STK3: variants seen among roughly 807,000 people sequenced by gnomAD.
The protein encoded by STK3 is serine/threonine kinase 3.
In STK3, 41 loss-of-function variants were observed where a neutral mutation model predicts 58.0. The ratio of observed to expected loss-of-function variants is 0.71; its 90% CI spans 0.55 to 0.92. The LOEUF (loss-of-function observed/expected upper bound fraction) is 0.92. Among genes scored for constraint, STK3 ranks in the 40% least tolerant of loss-of-function variants. STK3 has a pLI of 0.00. For missense variants in STK3, 479 were observed against 602.7 expected (o/e 0.79, Z 2.15); for synonymous variants, 170 against 191.0 (o/e 0.89, Z 0.91).
chr8:98,769,422 C>G (rs1278704571), intron 2 of STK3, among the ~76,000 whole-genome samples: 1 of 152,204 alleles, frequency 6.6e-6, no homozygotes, highest in Admixed American at 6.5e-5. Flanking sequence ...TCTGCACAAG[C>G]TCTCTCTTTG....
At chr8:98,565,358 C>T (rs187623941) in intron 8 of STK3, among the ~76,000 whole-genome samples, 148 of 152,142 alleles carry the variant, frequency 9.7e-4, no homozygotes, top group Non-Finnish European at 1.8e-3. Context: ...CATACTATAT[C>T]GAGTATCACA....
chr8:98,654,430 G>A (rs965458160), intron 6 of STK3, among the ~76,000 whole-genome samples: 1 of 152,086 alleles, frequency 6.6e-6, no homozygotes, highest in Admixed American at 6.6e-5. Flanking sequence ...GCACAAGACA[G>A]GGATGCCCTC....
At chr8:98,383,505 C>T (rs980286490) in intron 1 of STK3, among the ~76,000 whole-genome samples, 15 of 152,220 alleles carry the variant, frequency 9.9e-5, no homozygotes, top group African/African-American at 3.4e-4. Context: ...TGAATACTGG[C>T]TCACCGTGGC....
chr8:98,463,341 G>T (rs952823230), intron 10 of STK3, among the ~76,000 whole-genome samples: 1 of 151,624 alleles, frequency 6.6e-6, no homozygotes, highest in Non-Finnish European at 1.5e-5. Flanking sequence ...TTCAGGAGAT[G>T]AAAGATCAAT....
chr8:98,617,868 G>T (rs989868432), intron 6 of STK3, among the ~76,000 whole-genome samples: 1 of 152,094 alleles, frequency 6.6e-6, no homozygotes, highest in East Asian at 1.9e-4. Context: ...ATTCACAGCC[G>T]AATTCTACCA....
At chr8:98,834,360 A>G (rs1200722259) in intron 3 of STK3, among the ~76,000 whole-genome samples, 1 of 152,190 alleles carries the variant, frequency 6.6e-6, no homozygotes, top group Admixed American at 6.5e-5. Context: ...CTCTCTACTT[A>G]TATTAATTTT....
intron 2 of STK3, among the ~76,000 whole-genome samples, chr8:98,436,162 G>A (rs886483044): frequency 6.6e-6 from 1 of 152,052 alleles, no homozygotes; most frequent in Non-Finnish European, 1.5e-5. Context: ...ATTTTGAGGC[G>A]CTGTGTGCTG....
At chr8:98,846,553 T>C (rs1372561933) in intron 3 of STK3, among the ~76,000 whole-genome samples, 1 of 152,170 alleles carries the variant, frequency 6.6e-6, no homozygotes, top group Non-Finnish European at 1.5e-5. Flanking sequence ...AGAGCTTTGT[T>C]TTCTGGCAGA....
At chr8:98,917,690 G>A (rs1180405923) in intron 1 of STK3, among the ~76,000 whole-genome samples, 1 of 152,126 alleles carries the variant, frequency 6.6e-6, no homozygotes, top group East Asian at 1.9e-4. Context: ...AATTTCTGTT[G>A]TTCATAAGCT....
At chr8:98,466,559 T>C (rs956688204) in intron 10 of STK3, among the ~76,000 whole-genome samples, 7 of 152,178 alleles carry the variant, frequency 4.6e-5, no homozygotes, top group African/African-American at 1.7e-4. Context: ...TCTAGAACCT[T>C]CTCGCCGTCT....
chr8:98,564,694 A>G (rs1360472820), intron 8 of STK3, among the ~76,000 whole-genome samples: 1 of 152,176 alleles, frequency 6.6e-6, no homozygotes, highest in Non-Finnish European at 1.5e-5. Context: ...TGATTTTTAC[A>G]CAATGTATAC....
intron 1 of STK3, among the ~76,000 whole-genome samples, chr8:98,777,966 T>A (rs2131509009): frequency 6.6e-6 from 1 of 152,286 alleles, no homozygotes; most frequent in South Asian, 2.1e-4. Flanking sequence ...GACATAGGCA[T>A]GGGTAAGGAC....
At chr8:98,753,136 T>C (rs1293250932) in intron 3 of STK3, among the ~76,000 whole-genome samples, 2 of 152,184 alleles carry the variant, frequency 1.3e-5, no homozygotes, top group African/African-American at 4.8e-5. Flanking sequence ...CAAAGGAATA[T>C]AAATTGTTCT....
chr8:98,707,219 T>C lies in STK3; in HGVS notation c.444A>G (p.Lys148=). Residue 148 remains lysine, a synonymous_variant, in exon 5 of 11, where the codon AAA becomes AAG. Transcript: ENST00000419617. ...CTGTATTGAGGAGAATATTTCCAGC[T>C]TTTATATCTCTGTGTATTTTTCTCA... ...HFMRKIHRDI[K]AGNILLNTEG... 1 of 1,611,824 alleles carries C rather than the reference T, an allele frequency of 6.2e-7. No homozygotes were observed. Among genetic ancestry groups the C allele is most frequent in the Non-Finnish European group, 8.5e-7 (1 of 1,179,156 alleles).
intron 3 of STK3, among the ~76,000 whole-genome samples, chr8:98,759,599 C>T (rs1047815273): frequency 5.3e-5 from 8 of 151,548 alleles, no homozygotes; most frequent in East Asian, 3.9e-4. Flanking sequence ...ATGGTGCTGA[C>T]GGACTTGATT....
intron 3 of STK3, among the ~76,000 whole-genome samples, chr8:98,843,533 G>T (rs1197096787): frequency 1.3e-5 from 2 of 152,158 alleles, no homozygotes; most frequent in African/African-American, 2.4e-5. Flanking sequence ...ACACAAAACT[G>T]CCCCAAAGGA....
intron 6 of STK3, among the ~76,000 whole-genome samples, chr8:98,668,077 C>A (rs1415070814): frequency 6.6e-6 from 1 of 151,922 alleles, no homozygotes; most frequent in East Asian, 1.9e-4. Context: ...AAGAAATGAA[C>A]ATATAAGAAA....
chr8:98,548,080 T>C lies in STK3; in HGVS notation c.1030A>G (p.Ser344Gly), dbSNP rs1810865187. The C allele has an allele frequency of 6.2e-7, 1 of 1,609,340 alleles. No individual in the cohort carries two copies. The highest frequency in any genetic ancestry group is 1.3e-5 in the African/African-American group (1 of 74,638). Residue 344 changes from serine to glycine, a missense_variant, in exon 9 of 11, where the codon AGT becomes GGT. By Grantham distance (56) the Ser-to-Gly change is moderately conservative (BLOSUM62 0). Coordinates refer to ENST00000419617, the MANE Select transcript of STK3 (RefSeq NM_006281.4). ...VGTMRATSTM[S>G]EGAQTMIEHN... ...TCAATCATGGTCTGGGCCCCTTCAC[T>C]CATCGTGCTTGTGGCCCGCATGGTG...
chr8:98,886,102 T>C (rs1328898533), intron 1 of STK3, among the ~76,000 whole-genome samples: 1 of 152,184 alleles, frequency 6.6e-6, no homozygotes, highest in Non-Finnish European at 1.5e-5. Flanking sequence ...AATGAATCTT[T>C]ATGGTAGAAC....
Sources: gnomAD v4.1 joint callset for allele counts (sites outside exome capture counted in the v4.1 genomes callset) on GRCh38, gnomAD v4.1.1 for gene constraint, MANE v1.5 for transcripts, NCBI Gene and HGNC (gene_info 2026-07-23, HGNC 2026-07-21) for gene names.